EYA4: variants seen among roughly 807,000 people sequenced by gnomAD.
EYA4 encodes the protein EYA transcriptional coactivator and phosphatase 4.
EYA4 carries 31 observed loss-of-function variants against 87.9 expected under a neutral mutation model. The ratio of observed to expected loss-of-function variants is 0.35; its 90% CI spans 0.27 to 0.48. EYA4 has a LOEUF of 0.48. Among genes scored for constraint, EYA4 ranks in the 20% least tolerant of loss-of-function variants. EYA4 has a pLI of 0.99. For missense variants in EYA4, 678 were observed against 761.4 expected, an observed-to-expected ratio of 0.89 and a Z score of 1.29; for synonymous variants, 263 against 270.6, an observed-to-expected ratio of 0.97 and a Z score of 0.28.
chr6:133,279,000 G>A (rs1777408631), intron 2 of EYA4, among the ~76,000 whole-genome samples: 1 of 151,994 alleles, frequency 6.6e-6, no homozygotes, highest in African/African-American at 2.4e-5. Context: ...CAGAGAATGA[G>A]CAATATTTAT....
At chr6:133,343,973 A>G (rs1783010380) in intron 2 of EYA4, among the ~76,000 whole-genome samples, 1 of 151,744 alleles carries the variant, frequency 6.6e-6, no homozygotes, top group African/African-American at 2.4e-5. Flanking sequence ...CCATTTATCA[A>G]TAAATTGTAT....
intron 1 of EYA4, among the ~76,000 whole-genome samples, chr6:133,252,284 TAGTG>T (rs1052840954): frequency 3.9e-5 from 6 of 152,248 alleles, no homozygotes; most frequent in Admixed American, 2.0e-4. Flanking sequence ...TTAAAATACT[TAGTG>T]AGTTAAATTA....
intron 1 of EYA4, among the ~76,000 whole-genome samples, chr6:133,273,895 T>TTG (rs143246060): frequency 4.0e-5 from 6 of 151,618 alleles, no homozygotes; most frequent in African/African-American, 1.5e-4. Context: ...TTAATTTTCA[T>TTG]TGTGTGTGTG....
intron 1 of EYA4, among the ~76,000 whole-genome samples, chr6:133,264,740 G>T (rs1776073320): frequency 6.6e-6 from 1 of 152,180 alleles, no homozygotes; most frequent in Admixed American, 6.5e-5. Context: ...CGGCAGCCTG[G>T]TGTGGAGTTG....
chr6:133,272,259 C>T (rs1479949134), intron 1 of EYA4, among the ~76,000 whole-genome samples: 1 of 152,170 alleles, frequency 6.6e-6, no homozygotes, highest in Admixed American at 6.5e-5. Flanking sequence ...CTTCCTCTGT[C>T]AACTGATCAT....
intron 3 of EYA4, among the ~76,000 whole-genome samples, chr6:133,407,809 C>A (rs2128530395): frequency 6.6e-6 from 1 of 152,094 alleles, no homozygotes; most frequent in African/African-American, 2.4e-5. Context: ...TTATTGAAAC[C>A]AACTCATATT....
At chr6:133,423,483 A>C (rs1054316493) in intron 3 of EYA4, among the ~76,000 whole-genome samples, 7 of 152,226 alleles carry the variant, frequency 4.6e-5, no homozygotes, top group African/African-American at 1.7e-4. Flanking sequence ...AATGTTTGCC[A>C]GCCTGATAGG....
intron 13 of EYA4, among the ~76,000 whole-genome samples, chr6:133,495,303 G>A (rs1228065506): frequency 6.7e-6 from 1 of 150,308 alleles, no homozygotes; most frequent in African/African-American, 2.4e-5. Context: ...TATCCCATGT[G>A]TATATACACC....
At chr6:133,333,664 C>T (rs1782149797) in intron 2 of EYA4, among the ~76,000 whole-genome samples, 1 of 152,048 alleles carries the variant, frequency 6.6e-6, no homozygotes, top group South Asian at 2.1e-4. Context: ...ATATTTTAGC[C>T]ACAGCAATGT....
In EYA4 at chr6:133,288,181, G is replaced by A. The variant is rs112465096; in HGVS notation, c.33+13368G>A. Reference sequence around the variant, plus strand: ...GGGATTGGCAATTTTTTTGAAATGTGAAAACAGCTGTAGACATTAAGTAAA... The same window carrying A: ...GGGATTGGCAATTTTTTTGAAATGTAAAAACAGCTGTAGACATTAAGTAAA... On this transcript the variant is annotated intron_variant, in intron 2 of 19. Coordinates refer to ENST00000355286, the MANE Select transcript of EYA4 (RefSeq NM_004100.5). Among the ~76,000 whole-genome samples, 335 of 152,156 alleles carry A rather than the reference G, an allele frequency of 2.2e-3. 2 individuals carry two copies. The highest frequency in any genetic ancestry group is 7.6e-3 in the African/African-American group (316 of 41,500).
rs79163156 is a variant in EYA4, at chr6:133,424,509, A to ACC, written c.84-22112_84-22111dup. ...GAGAGGCCAGGCAACGGGAGCAAAC[A>ACC]CCCCCCCCCCAGCCTATAAGGATGG... On this transcript the variant is annotated intron_variant, in intron 3 of 19. Coordinates refer to ENST00000355286, the MANE Select transcript of EYA4 (RefSeq NM_004100.5). 4.2e-5 allele frequency among the ~76,000 whole-genome samples: 6 copies of ACC among 143,782 alleles called. No homozygotes were observed. In the South Asian group the frequency reaches 6.5e-4, roughly 16 times the overall value. 94.3% of individuals were successfully genotyped at this position (143,782 alleles called of 152,430 possible).
chr6:133,403,622 AT>A (rs1788448895), intron 3 of EYA4, among the ~76,000 whole-genome samples: 1 of 152,208 alleles, frequency 6.6e-6, no homozygotes, highest in Admixed American at 6.5e-5. Flanking sequence ...TTTTCTTGAT[AT>A]CAAGCAATAT....
In EYA4 at chr6:133,336,085, C is replaced by T. The variant is rs950813620; in HGVS notation, c.34-46307C>T. ...GCTCTGCTTTACAGAAAAATGCCAA[C>T]TATTATAAATAGAAAGAATGATGGG... On this transcript the variant is annotated intron_variant, in intron 2 of 19. Transcript: ENST00000355286. 2.6e-5 allele frequency among the ~76,000 whole-genome samples: 4 copies of T among 152,190 alleles called. No individual in the cohort carries two copies. The East Asian group carries it at 7.7e-4, about 29-fold the overall frequency.
intron 2 of EYA4, among the ~76,000 whole-genome samples, chr6:133,284,987 T>TG (rs1251050275): frequency 2.1e-5 from 3 of 142,480 alleles, no homozygotes; most frequent in African/African-American, 7.7e-5. Flanking sequence ...TGTGGTTTTT[T>TG]GTTTTTTTTT....
At chr6:133,478,805 C>A (rs2128701250) in intron 11 of EYA4, among the ~76,000 whole-genome samples, 1 of 152,218 alleles carries the variant, frequency 6.6e-6, no homozygotes. Flanking sequence ...TTTCTCTTTC[C>A]TCTTCTGCTC....
chr6:133,406,955 G>C (rs939950894), intron 3 of EYA4, among the ~76,000 whole-genome samples: 4 of 152,090 alleles, frequency 2.6e-5, no homozygotes, highest in Non-Finnish European at 5.9e-5. Context: ...TGTTTTTCTA[G>C]AATAAAGTAA....
intron 2 of EYA4, among the ~76,000 whole-genome samples, chr6:133,294,039 ATATATATATATATATATATAT>A (rs1778727007): frequency 3.5e-5 from 3 of 86,400 alleles, no homozygotes; most frequent in Non-Finnish European, 7.7e-5. Flanking sequence ...ATATATATAT[ATATATATATATATATATATAT>A]ATAATTCTAT....
At chr6:133,491,184 A>G (rs1797120346) in intron 13 of EYA4, among the ~76,000 whole-genome samples, 1 of 152,128 alleles carries the variant, frequency 6.6e-6, no homozygotes, top group African/African-American at 2.4e-5. Flanking sequence ...ACAAAATACT[A>G]AACCCTATGG....
intron 11 of EYA4, among the ~76,000 whole-genome samples, chr6:133,474,871 T>A (rs1023807434): frequency 1.3e-5 from 2 of 152,154 alleles, no homozygotes; most frequent in Non-Finnish European, 2.9e-5. Context: ...CCACAGTTTT[T>A]CATAGAACAG....
Sources: gnomAD v4.1 joint callset for allele counts (sites outside exome capture counted in the v4.1 genomes callset) on GRCh38, gnomAD v4.1.1 for gene constraint, MANE v1.5 for transcripts, NCBI Gene and HGNC (gene_info 2026-07-23, HGNC 2026-07-21) for gene names.